The following PDE4D variants were observed in gnomAD, a reference collection of about 807,000 sequenced individuals.
PDE4D encodes phosphodiesterase 4D, also known as 3',5'-cyclic-AMP phosphodiesterase 4D.
A neutral mutation model predicts 87.4 loss-of-function variants in PDE4D; 24 were observed. The ratio of observed to expected loss-of-function variants is 0.27; its 90% CI spans 0.20 to 0.39. The LOEUF is 0.39. Ranked by LOEUF, PDE4D falls within the 10% of genes least tolerant of loss-of-function variation. PDE4D has a pLI of 1.00. For synonymous variants in PDE4D, 384 were observed against 383.2 expected, an observed-to-expected ratio of 1.00 and a Z score of -0.02; for missense variants, 714 against 1,041.0, an observed-to-expected ratio of 0.69 and a Z score of 4.32.
chr5:59,996,991 T>A (rs1165946210), intron 2 of PDE4D, among the ~76,000 whole-genome samples: 5 of 152,156 alleles, frequency 3.3e-5, no homozygotes, highest in Admixed American at 1.3e-4. Context: ...CATCAAAACT[T>A]CCAAAAAGTT....
intron 1 of PDE4D, among the ~76,000 whole-genome samples, chr5:60,273,741 C>T (rs866399818): frequency 6.6e-6 from 1 of 152,000 alleles, no homozygotes; most frequent in South Asian, 2.1e-4. Flanking sequence ...ATCAAAAATG[C>T]CCCCCAAGTT....
Position 60,301,683 on chromosome 5 carries a change from G to C in PDE4D, c.-89-115996C>G, listed in dbSNP as rs183238301. 4.9e-3 allele frequency among the ~76,000 whole-genome samples: 743 copies of C among 152,250 alleles called. 5 individuals are homozygous for C. The highest frequency in any genetic ancestry group is 0.017 in the African/African-American group (716 of 41,538). On this transcript the variant is annotated intron_variant, in intron 1 of 16. Transcript: ENST00000502484. ...AACTGGACTTCCTCTCTTCCTATTT[G>C]AATACCCTTTATTTCTATCTCTCAC...
intron 1 of PDE4D, among the ~76,000 whole-genome samples, chr5:59,771,507 A>AAAGAGAGAGAGAGAGAG (rs1763542455): frequency 7.3e-6 from 1 of 137,472 alleles, no homozygotes; most frequent in Non-Finnish European, 1.6e-5. Context: ...GAGAAGAAAG[A>AAAGAGAGAGAGAGAGAG]AAGAAAGAAA....
chr5:60,209,694 C>G (rs542275982), intron 1 of PDE4D, among the ~76,000 whole-genome samples: 13 of 149,088 alleles, frequency 8.7e-5, no homozygotes, highest in African/African-American at 3.2e-4. Flanking sequence ...GAAAGAGAGC[C>G]GGAGGGAGGA....
chr5:60,050,073 G>GT (rs377153240), intron 2 of PDE4D, among the ~76,000 whole-genome samples: 1 of 152,156 alleles, frequency 6.6e-6, no homozygotes, highest in Admixed American at 6.5e-5. Context: ...TCCTGGTGCC[G>GT]TTTTTTAAGG....
intron 1 of PDE4D, among the ~76,000 whole-genome samples, chr5:60,315,559 T>C (rs1003972384): frequency 9.9e-5 from 15 of 152,266 alleles, no homozygotes; most frequent in Middle Eastern, 6.8e-3. Context: ...GAAGTCCTTG[T>C]CCATGCCTAT....
chr5:60,115,619 TAAATA>T (rs759555105), intron 2 of PDE4D, among the ~76,000 whole-genome samples: 1 of 152,080 alleles, frequency 6.6e-6, no homozygotes, highest in Non-Finnish European at 1.5e-5. Context: ...TTACACAGCT[TAAATA>T]AAACACTCAA....
chr5:59,157,263 C>G, intron 5 of PDE4D: 2 of 701,234 alleles, frequency 2.9e-6, no homozygotes, highest in South Asian at 3.0e-5. Flanking sequence ...TTCAAAGTGA[C>G]TAAACAGCTG....
At chr5:59,919,302 A>G (rs779773778) in intron 3 of PDE4D, among the ~76,000 whole-genome samples, 4 of 152,162 alleles carry the variant, frequency 2.6e-5, no homozygotes, top group Non-Finnish European at 5.9e-5. Flanking sequence ...GGCTATAGAA[A>G]TATTCTCAGC....
intron 1 of PDE4D, among the ~76,000 whole-genome samples, chr5:60,310,162 CT>C (rs1562310657): frequency 6.6e-6 from 1 of 152,064 alleles, no homozygotes; most frequent in South Asian, 2.1e-4. Flanking sequence ...TTCAAATTCT[CT>C]TTTTTTAAAA....
chr5:59,043,824 T>C (rs1427579086), intron 5 of PDE4D, among the ~76,000 whole-genome samples: 3 of 152,054 alleles, frequency 2.0e-5, no homozygotes, highest in South Asian at 2.1e-4. Flanking sequence ...TTTGTCCTTG[T>C]GATAGTTTGC....
intron 1 of PDE4D, among the ~76,000 whole-genome samples, chr5:60,392,572 T>C (rs1762623354): frequency 6.6e-6 from 1 of 152,192 alleles, no homozygotes; most frequent in Non-Finnish European, 1.5e-5. Flanking sequence ...CTGGCAGAGA[T>C]ACTCAATGAA....
At chr5:60,492,546 G>A (rs913494271), upstream of PDE4D, among the ~76,000 whole-genome samples, 4 of 152,134 alleles carry the variant, frequency 2.6e-5, no homozygotes, top group Non-Finnish European at 5.9e-5. Flanking sequence ...TGAATTCCAT[G>A]GAATACTATG....
intron 1 of PDE4D, among the ~76,000 whole-genome samples, chr5:60,193,603 C>T (rs1413058678): frequency 5.5e-5 from 7 of 126,824 alleles, no homozygotes; most frequent in Non-Finnish European, 9.4e-5. Flanking sequence ...CCCCAGGGGG[C>T]GGAGCCTGCA....
At chr5:58,999,556 T>C (rs1561271789) in intron 6 of PDE4D, 1 of 1,197,276 alleles carries the variant, frequency 8.4e-7, no homozygotes, top group East Asian at 3.0e-5. Flanking sequence ...ATTATATGTA[T>C]ATATATATAT....
At chr5:59,938,853 A>C (rs1756889297) in intron 3 of PDE4D, among the ~76,000 whole-genome samples, 1 of 152,214 alleles carries the variant, frequency 6.6e-6, no homozygotes, top group African/African-American at 2.4e-5. Context: ...GCTCTACATT[A>C]AAATGTCAGT....
chr5:59,260,937 CAAA>C (rs3061504), intron 1 of PDE4D, among the ~76,000 whole-genome samples: 30 of 138,466 alleles, frequency 2.2e-4, no homozygotes, highest in Non-Finnish European at 2.4e-4. Flanking sequence ...CAATATACAC[CAAA>C]AAAAAAAAAA....
Position 59,395,934 on chromosome 5 carries a change from T to G in PDE4D, c.456-179966A>C, listed in dbSNP as rs1275418566. Among the ~76,000 whole-genome samples, 2 of 119,634 alleles carry G rather than the reference T, an allele frequency of 1.7e-5. 1 individual carries two copies. The highest frequency in any genetic ancestry group is 3.5e-5 in the Non-Finnish European group (2 of 56,348). The allele number at this position is 119,634 out of a possible 152,430, so 78.5% of individuals were successfully genotyped here. ...CAAGGCTCAAGAACTACCTGAAGAA[T>G]GCAGAAGCCTCAGGAGCTGATGCGA... On this transcript the variant is annotated intron_variant, in intron 1 of 14. Coordinates refer to ENST00000340635, the MANE Select transcript of PDE4D (RefSeq NM_001104631.2).
At chr5:60,067,096 G>A (rs1000490368) in intron 2 of PDE4D, among the ~76,000 whole-genome samples, 3 of 152,046 alleles carry the variant, frequency 2.0e-5, no homozygotes, top group African/African-American at 7.2e-5. Flanking sequence ...CTCCTCTGAT[G>A]TTTGATATAT....
Sources: gnomAD v4.1 joint callset for allele counts (sites outside exome capture counted in the v4.1 genomes callset) on GRCh38, gnomAD v4.1.1 for gene constraint, MANE v1.5 for transcripts, NCBI Gene and HGNC (gene_info 2026-07-23, HGNC 2026-07-21) for gene names.